COCH: variants seen among roughly 807,000 people sequenced by gnomAD.
COCH encodes the protein cochlin.
Under a neutral mutation model 54.8 loss-of-function variants are expected in COCH, and 40 were observed. The observed-to-expected ratio is 0.73, with a 90% confidence interval of 0.57 to 0.95. The LOEUF is 0.95. Ranked by LOEUF, COCH falls within the 40% of genes least tolerant of loss-of-function variation. The pLI, the probability that COCH is intolerant of heterozygous loss-of-function variation, is 0.00. For synonymous variants in COCH, 256 were observed against 237.9 expected (o/e 1.08, Z -0.70); for missense variants, 605 against 675.0 (o/e 0.90, Z 1.15).
chr14:30,879,305 G>C, intron 5 of COCH, 118 bp from the exon 6 acceptor site: 1 of 1,024,204 alleles, frequency 9.8e-7, no homozygotes, highest in Non-Finnish European at 1.5e-6. Flanking sequence ...CAGGATGTTT[G>C]TAACTACAAT....
chr14:30,875,660 A>G, intron 3 of COCH: 1 of 226,342 alleles, frequency 4.4e-6, no homozygotes, highest in Non-Finnish European at 8.5e-6. Flanking sequence ...AGTTTGTACC[A>G]CGTGTAGAGG....
intron 8 of COCH, among the ~76,000 whole-genome samples, chr14:30,882,119 G>GGTTTTTTTTTT (rs1895617011): frequency 3.5e-5 from 3 of 84,874 alleles, no homozygotes; most frequent in Non-Finnish European, 6.7e-5. Context: ...ACTATAAAAT[G>GGTTTTTTTTTT]GTTTTTTTTT....
At chr14:30,885,073 G>T in intron 9 of COCH, 1 of 1,582,092 alleles carries the variant, frequency 6.3e-7, no homozygotes, top group South Asian at 1.1e-5. Flanking sequence ...GCTACATAGA[G>T]AGCACATGCA....
downstream of COCH, chr14:30,894,795 G>C (rs1478853414): frequency 6.9e-6 from 2 of 291,024 alleles, no homozygotes; most frequent in Non-Finnish European, 1.2e-5. Flanking sequence ...GCACTGTTGT[G>C]ACAGGCTAAA....
At position 30,884,615 on chromosome 14, in the gene COCH, C is replaced by T. The variant is rs536511561; in HGVS notation, c.692C>T (p.Ala231Val). 1.2e-4 allele frequency: 187 copies of T among 1,613,478 alleles called. No homozygotes were observed. Among genetic ancestry groups the T allele is most frequent in the Non-Finnish European group, 1.5e-4 (180 of 1,179,720 alleles). ...ACATCAGCCAAAGATGTTTTGTTTG[C>T]CATAAAGGAAGTAGGTTTCAGAGGG... ...NFTSAKDVLF[A>V]IKEVGFRGGN... Residue 231 changes from alanine to valine, a missense_variant, in exon 9 of 12, where the codon GCC becomes GTC. Coordinates refer to ENST00000396618, the MANE Select transcript of COCH (RefSeq NM_004086.3).
chr14:30,889,462 T>C, intron 11 of COCH, 154 bp from the exon 12 acceptor site: 1 of 695,506 alleles, frequency 1.4e-6, no homozygotes, highest in Non-Finnish European at 2.5e-6. Flanking sequence ...ACAATGACTG[T>C]GAAAACTTAA....
chr14:30,875,311 T>A, intron 3 of COCH: 1 of 664,528 alleles, frequency 1.5e-6, no homozygotes, highest in Non-Finnish European at 2.5e-6. Context: ...AGGGGGCCCC[T>A]GGGGTCCAGT....
Position 30,874,571 on chromosome 14 carries a change from A to G in COCH, c.-44A>G, listed in dbSNP as rs1895281079. 7.0e-6 allele frequency: 3 copies of G among 426,132 alleles called. No individual in the cohort carries two copies. In the South Asian group the frequency reaches 7.1e-5, roughly 10 times the overall value. The allele number at this position is 426,132 out of a possible 1,614,324, so 26.4% of individuals were successfully genotyped here. A position where few individuals can be genotyped will look rare whatever the true frequency, so the allele number is the denominator to read the frequency against. ...GGCCTTGCCTTCCGCACTCGGGCGC[A>G]GCCGGGTGGATCTCGAGCAGGTGCG... On this transcript the variant is annotated 5_prime_UTR_variant, in exon 1 of 12. Coordinates refer to ENST00000396618, the MANE Select transcript of COCH (RefSeq NM_004086.3).
intron 1 of COCH, 123 bp from the exon 2 acceptor site, chr14:30,874,793 G>T (rs555903096): frequency 1.2e-5 from 11 of 880,322 alleles, no homozygotes; most frequent in Non-Finnish European, 1.3e-5. Flanking sequence ...CTGGAGCAGC[G>T]GGTCGTCTGT....
At chr14:30,893,480 A>G (rs543472452), downstream of COCH, among the ~76,000 whole-genome samples, 1 of 152,266 alleles carries the variant, frequency 6.6e-6, no homozygotes, top group East Asian at 1.9e-4. Flanking sequence ...TGCACCAACT[A>G]ACCTAAATAT....
downstream of COCH, among the ~76,000 whole-genome samples, chr14:30,892,522 GGGCACGGT>G (rs1896008264): frequency 6.6e-6 from 1 of 152,178 alleles, no homozygotes; most frequent in Non-Finnish European, 1.5e-5. Flanking sequence ...AAAACTTGCT[GGGCACGGT>G]GGCTCACGCC....
chr14:30,880,366 C>G, intron 6 of COCH, 86 bp from the exon 7 acceptor site: 1 of 1,576,452 alleles, frequency 6.3e-7, no homozygotes. Flanking sequence ...GAATGGCACT[C>G]TGTTGTTATG....
intron 11 of COCH, among the ~76,000 whole-genome samples, chr14:30,887,034 T>G (rs2138882102): frequency 6.6e-6 from 1 of 152,276 alleles, no homozygotes; most frequent in East Asian, 1.9e-4. Flanking sequence ...AACTTTTATT[T>G]TAGTCAAGTT....
At chr14:30,894,451 G>C (rs1326175843), downstream of COCH, 3 of 152,504 alleles carry the variant, frequency 2.0e-5, no homozygotes, top group Non-Finnish European at 4.4e-5. Flanking sequence ...TAAATAATAG[G>C]CCATTAGCAA....
chr14:30,875,304 G>T (rs1037167297), intron 3 of COCH: 1 of 742,934 alleles, frequency 1.3e-6, no homozygotes, highest in Non-Finnish European at 2.2e-6. Flanking sequence ...CCATGGTAGG[G>T]GGCCCCTGGG....
At position 30,889,918 on chromosome 14, in the gene COCH, A is replaced by C; in HGVS notation, c.*127A>C. ...AAAACTATTAAGTATGTCAACAGCC[A>C]TTTAGGCAAATAAGCACTCCTTTAA... On this transcript the variant is annotated 3_prime_UTR_variant, in exon 12 of 12. Transcript: ENST00000396618. 9 of 1,429,770 alleles carry C rather than the reference A, an allele frequency of 6.3e-6. No homozygotes were observed. Among genetic ancestry groups the C allele is most frequent in the Non-Finnish European group, 8.2e-6 (9 of 1,093,040 alleles). The allele number at this position is 1,429,770 out of a possible 1,614,324, so 88.6% of individuals were successfully genotyped here.
At chr14:30,880,009 C>T (rs191476866) in intron 6 of COCH, among the ~76,000 whole-genome samples, 6 of 152,186 alleles carry the variant, frequency 3.9e-5, no homozygotes, top group Admixed American at 1.3e-4. Context: ...TGATAAACCA[C>T]GCCTAAGAAC....
intron 11 of COCH, among the ~76,000 whole-genome samples, chr14:30,887,572 T>C (rs1234425310): frequency 6.6e-6 from 1 of 152,112 alleles, no homozygotes; most frequent in African/African-American, 2.4e-5. Flanking sequence ...AGAGATCAAA[T>C]AGGCCAACAA....
At position 30,877,488 on chromosome 14, in the gene COCH, C is replaced by T. The variant is rs991294707; in HGVS notation, c.83-84C>T. On this transcript the variant is annotated intron_variant, in intron 3 of 11. Transcript: ENST00000396618. The surrounding 1 kb of genome is among the most constrained non-coding windows in gnomAD (Gnocchi z 8.6). Reference sequence around the variant, plus strand: ...AAGTGTAGAAATTAGGGAAGTAAAACTTAAATCTCACACTGTAGTCTCCCC... The same window carrying T: ...AAGTGTAGAAATTAGGGAAGTAAAATTTAAATCTCACACTGTAGTCTCCCC... 10 of 1,543,072 alleles carry T rather than the reference C, an allele frequency of 6.5e-6. No homozygotes were observed. The highest frequency in any genetic ancestry group is 8.0e-6 in the Non-Finnish European group (9 of 1,129,446).
Sources: gnomAD v4.1 joint callset for allele counts (sites outside exome capture counted in the v4.1 genomes callset) on GRCh38, gnomAD v4.1.1 for gene constraint, Gnocchi (gnomAD v3.1) non-coding constraint, MANE v1.5 for transcripts, NCBI Gene and HGNC (gene_info 2026-07-23, HGNC 2026-07-21) for gene names.